Variants in LIN54 observed in about 807,000 individuals in gnomAD.
The protein encoded by LIN54 is lin-54 DREAM MuvB core complex component, also known as protein lin-54 homolog.
In LIN54, 9 loss-of-function variants were observed where a neutral mutation model predicts 78.7. The observed-to-expected ratio is 0.11, with a 90% confidence interval of 0.07 to 0.20. LIN54 has a LOEUF of 0.20. Ranked by LOEUF, LIN54 falls within the 10% of genes least tolerant of loss-of-function variation. The probability of loss-of-function intolerance (pLI) is 1.00; values close to 1 mark genes in which losing one functional copy is unlikely to be tolerated. For missense variants in LIN54, 573 were observed against 889.9 expected, an observed-to-expected ratio of 0.64 and a Z score of 4.53; for synonymous variants, 269 against 318.4, an observed-to-expected ratio of 0.84 and a Z score of 1.65.
chr4:83,011,325 T>G (rs745780675), upstream of LIN54, among the ~76,000 whole-genome samples: 1 of 152,224 alleles, frequency 6.6e-6, no homozygotes, highest in Admixed American at 6.5e-5. Context: ...GCAATCCTCA[T>G]GCAGATGAAG....
intron 1 of LIN54, among the ~76,000 whole-genome samples, chr4:82,988,358 A>G (rs558295651): frequency 9.2e-5 from 14 of 152,284 alleles, no homozygotes; most frequent in African/African-American, 3.1e-4. Flanking sequence ...TAGTAGTTCT[A>G]TTCCTTTTTA....
chr4:82,980,507 C>CT (rs1343061910), intron 2 of LIN54, among the ~76,000 whole-genome samples: 8 of 151,956 alleles, frequency 5.3e-5, no homozygotes, highest in Non-Finnish European at 1.0e-4. Context: ...CAATATATTA[C>CT]TTTTTTATAC....
At chr4:82,966,788 T>G (rs1349074373) in intron 4 of LIN54, among the ~76,000 whole-genome samples, 2 of 152,034 alleles carry the variant, frequency 1.3e-5, no homozygotes, top group African/African-American at 4.8e-5. Context: ...TTTTGTATTT[T>G]TAGTAGAGAC....
At chr4:83,008,560 G>A (rs1729595553) in intron 1 of LIN54, among the ~76,000 whole-genome samples, 1 of 152,184 alleles carries the variant, frequency 6.6e-6, no homozygotes, top group African/African-American at 2.4e-5. Flanking sequence ...GCTGAGGCAG[G>A]AGAATGGCGT....
At chr4:83,004,257 G>A (rs1409281030) in intron 1 of LIN54, among the ~76,000 whole-genome samples, 1 of 151,928 alleles carries the variant, frequency 6.6e-6, no homozygotes, top group African/African-American at 2.4e-5. Flanking sequence ...AAATTAGCTG[G>A]GAGTGGTGGT....
chr4:83,007,500 A>G (rs960317354), intron 1 of LIN54, among the ~76,000 whole-genome samples: 1 of 152,130 alleles, frequency 6.6e-6, no homozygotes, highest in Non-Finnish European at 1.5e-5. Context: ...TACTGTGAAG[A>G]TAGTTATGAG....
chr4:82,970,557 G>T, intron 3 of LIN54, 88 bp from the exon 4 acceptor site: 1 of 1,177,534 alleles, frequency 8.5e-7, no homozygotes, highest in Non-Finnish European at 1.2e-6. Context: ...CACAAGGACT[G>T]CAGAATGTAT....
At chr4:82,970,558 C>A (rs1449900110) in intron 3 of LIN54, 89 bp from the exon 4 acceptor site, 8 of 1,169,846 alleles carry the variant, frequency 6.8e-6, no homozygotes, top group Non-Finnish European at 9.7e-6. Flanking sequence ...ACAAGGACTG[C>A]AGAATGTATG....
At chr4:83,009,956 TATCTCA>T (rs982300062) in intron 1 of LIN54, among the ~76,000 whole-genome samples, 15 of 151,982 alleles carry the variant, frequency 9.9e-5, no homozygotes, top group African/African-American at 3.6e-4. Context: ...TAACTGAGAG[TATCTCA>T]ATTGTTATAT....
At chr4:82,998,954 G>C (rs187979779) in intron 1 of LIN54, among the ~76,000 whole-genome samples, 7 of 152,268 alleles carry the variant, frequency 4.6e-5, no homozygotes, top group Admixed American at 1.3e-4. Flanking sequence ...TTGCAGTGGA[G>C]AGAAATGTAA....
intron 4 of LIN54, among the ~76,000 whole-genome samples, chr4:82,960,473 A>G (rs551820980): frequency 1.7e-4 from 26 of 150,806 alleles, no homozygotes; most frequent in African/African-American, 6.1e-4. Flanking sequence ...TCACTCCATC[A>G]CCCAGGTTGG....
chr4:82,963,305 A>C (rs1360701490), intron 4 of LIN54, among the ~76,000 whole-genome samples: 4 of 152,190 alleles, frequency 2.6e-5, no homozygotes, highest in African/African-American at 4.8e-5. Flanking sequence ...AGCTGAGAGA[A>C]TCTATTGTCA....
intron 1 of LIN54, among the ~76,000 whole-genome samples, chr4:82,985,795 C>A (rs1311866933): frequency 6.6e-6 from 1 of 152,234 alleles, no homozygotes; most frequent in African/African-American, 2.4e-5. Context: ...CCTGCCTCGG[C>A]CTCCCAAAGT....
At position 82,944,243 on chromosome 4, in the gene LIN54, T is replaced by C. The variant is rs368552810; in HGVS notation, c.1168+2015A>G. On this transcript the variant is annotated intron_variant, in intron 5 of 12. Transcript: ENST00000340417. ...TCTTCCTTATACTAAAGGCATACTC[T>C]TGCTAATGAATAAATTAATGTTAAC... 3.3e-4 allele frequency among the ~76,000 whole-genome samples: 50 copies of C among 152,308 alleles called. No homozygotes were observed. The East Asian group carries it at 4.2e-3, about 13-fold the overall frequency.
intron 1 of LIN54, among the ~76,000 whole-genome samples, chr4:82,997,761 G>GCACTTT (rs1375445479): frequency 1.7e-3 from 255 of 151,970 alleles, no homozygotes; most frequent in African/African-American, 5.9e-3. Context: ...GGGAGGCCAA[G>GCACTTT]GAGGGCGGAT....
chr4:82,955,370 ATAAC>A (rs556056824), intron 4 of LIN54, among the ~76,000 whole-genome samples: 1,096 of 21,994 alleles, frequency 0.05, 12 homozygotes, highest in African/African-American at 0.14. Flanking sequence ...TCTCAAAAAA[ATAAC>A]ATAACATAAC....
At chr4:82,965,804 T>C (rs1370931005) in intron 4 of LIN54, among the ~76,000 whole-genome samples, 1 of 152,024 alleles carries the variant, frequency 6.6e-6, no homozygotes, top group East Asian at 1.9e-4. Context: ...GAGAGGAGTC[T>C]CAGCAGACTC....
intron 1 of LIN54, among the ~76,000 whole-genome samples, chr4:83,005,664 G>A (rs147494099): frequency 6.6e-6 from 1 of 151,830 alleles, no homozygotes; most frequent in East Asian, 1.9e-4. Flanking sequence ...AGATGCTGGC[G>A]AGGCCGTGGG....
At chr4:82,944,332 C>T (rs11937821) in intron 5 of LIN54, among the ~76,000 whole-genome samples, 50,196 of 152,008 alleles carry the variant, frequency 0.33, 9,658 homozygotes, top group African/African-American at 0.52. Flanking sequence ...CAAACACACA[C>T]ATAAAATACA....
Sources: gnomAD v4.1 joint callset for allele counts (sites outside exome capture counted in the v4.1 genomes callset) on GRCh38, gnomAD v4.1.1 for gene constraint, MANE v1.5 for transcripts, NCBI Gene and HGNC (gene_info 2026-07-23, HGNC 2026-07-21) for gene names.